The following CACNB4 variants were observed in gnomAD, a reference collection of about 807,000 sequenced individuals.
CACNB4 encodes the protein voltage-dependent L-type calcium channel subunit beta-4.
CACNB4 carries 32 observed loss-of-function variants against 71.2 expected under a neutral mutation model. That is an observed-to-expected ratio of 0.45 (90% confidence interval 0.34 to 0.60). CACNB4 has a LOEUF of 0.60. Among genes scored for constraint, CACNB4 ranks in the 20% least tolerant of loss-of-function variants. The pLI, the probability that CACNB4 is intolerant of heterozygous loss-of-function variation, is 0.01. For missense variants in CACNB4, 464 were observed against 647.9 expected (o/e 0.72, Z 3.08); for synonymous variants, 231 against 236.9 (o/e 0.97, Z 0.23).
At chr2:151,999,374 T>TG (rs971182539) in intron 2 of CACNB4, among the ~76,000 whole-genome samples, 1 of 36,878 alleles carries the variant, frequency 2.7e-5, no homozygotes, top group African/African-American at 5.3e-5. Flanking sequence ...CGCCCTGTTA[T>TG]GGTTTTTTTT....
At position 151,853,550 on chromosome 2, in the gene CACNB4, G is replaced by A. The variant is rs2151353341; in HGVS notation, c.1021-7C>T. On this transcript the variant is annotated splice_polypyrimidine_tract_variant and splice_region_variant and intron_variant, in intron 11 of 13. Coordinates refer to ENST00000539935, the MANE Select transcript of CACNB4 (RefSeq NM_000726.5). ...TAATCAACCGCTGTAAAACCTGATA[G>A]AAGAAGACATGAACCTGAGGTATTG... is the stretch of plus-strand genomic sequence containing the variant. 1 of 1,522,354 alleles carries A rather than the reference G, an allele frequency of 6.6e-7. No individual in the cohort carries two copies. The highest frequency in any genetic ancestry group is 9.0e-7 in the Non-Finnish European group (1 of 1,112,126). The allele number at this position is 1,522,354 out of a possible 1,614,324, so 94.3% of individuals were successfully genotyped here. A position where few individuals can be genotyped will look rare whatever the true frequency, so the allele number is the denominator to read the frequency against.
At chr2:151,932,848 G>C (rs1044194310) in intron 2 of CACNB4, among the ~76,000 whole-genome samples, 1 of 150,276 alleles carries the variant, frequency 6.7e-6, no homozygotes, top group South Asian at 2.1e-4. Flanking sequence ...AAAAAAAGGT[G>C]GGGGGTTGGG....
chr2:152,000,426 A>C (rs1015836729), intron 2 of CACNB4, among the ~76,000 whole-genome samples: 4 of 152,232 alleles, frequency 2.6e-5, no homozygotes, highest in Non-Finnish European at 5.9e-5. Flanking sequence ...TACCTCCTTC[A>C]TAAGGTTGTT....
At chr2:152,092,351 A>G (rs550409504) in intron 2 of CACNB4, among the ~76,000 whole-genome samples, 1 of 152,362 alleles carries the variant, frequency 6.6e-6, no homozygotes, top group African/African-American at 2.4e-5. Flanking sequence ...AAACATATCT[A>G]TAACTGGTGC....
In CACNB4 at chr2:151,835,822, CAAT is replaced by C. The variant is rs2099834772; in HGVS notation, c.*3294_*3296del. ...CAAAAATACATTTTGCAAACAACGA[CAAT>C]AATAATTAAATAGCAGATTATTTAA... On this transcript the variant is annotated 3_prime_UTR_variant, in exon 14 of 14. Coordinates refer to ENST00000539935, the MANE Select transcript of CACNB4 (RefSeq NM_000726.5). 2 of 151,758 alleles carry C rather than the reference CAAT, an allele frequency of 1.3e-5. No homozygotes were observed. The highest frequency in any genetic ancestry group is 4.1e-4 in the South Asian group (2 of 4,820). 9.4% of individuals were successfully genotyped at this position (151,758 alleles called of 1,614,324 possible).
intron 2 of CACNB4, among the ~76,000 whole-genome samples, chr2:151,902,109 A>T (rs1374125180): frequency 7.0e-6 from 1 of 142,918 alleles, no homozygotes; most frequent in African/African-American, 2.7e-5. Context: ...ATCATAGTTC[A>T]TTGCAGCTTT....
chr2:151,997,607 T>G (rs936313186), intron 2 of CACNB4, among the ~76,000 whole-genome samples: 1 of 151,514 alleles, frequency 6.6e-6, no homozygotes, highest in East Asian at 1.9e-4. Context: ...AATGCTGAGA[T>G]TGGAGTGATG....
chr2:152,005,925 C>G (rs996903401), intron 2 of CACNB4, among the ~76,000 whole-genome samples: 9 of 152,202 alleles, frequency 5.9e-5, no homozygotes, highest in Admixed American at 5.2e-4. Context: ...GCAAAATGCT[C>G]AGAACGGTGC....
intron 2 of CACNB4, among the ~76,000 whole-genome samples, chr2:151,924,665 C>A (rs2099859805): frequency 6.6e-6 from 1 of 151,910 alleles, no homozygotes; most frequent in African/African-American, 2.4e-5. Context: ...CATTCTCAAT[C>A]CCTGGATGAA....
At chr2:151,960,254 C>G (rs962823376) in intron 2 of CACNB4, among the ~76,000 whole-genome samples, 1 of 152,108 alleles carries the variant, frequency 6.6e-6, no homozygotes, top group East Asian at 1.9e-4. Flanking sequence ...ACATCTGAAC[C>G]TTAGAATCTT....
intron 2 of CACNB4, among the ~76,000 whole-genome samples, chr2:151,953,891 C>T (rs985116315): frequency 1.3e-5 from 2 of 152,230 alleles, no homozygotes; most frequent in African/African-American, 4.8e-5. Context: ...CAAACGTGTT[C>T]ACCCCACATG....
intron 2 of CACNB4, among the ~76,000 whole-genome samples, chr2:152,076,600 CT>C (rs1171423112): frequency 1.3e-5 from 2 of 152,168 alleles, no homozygotes; most frequent in Non-Finnish European, 2.9e-5. Flanking sequence ...CTTGAATCAT[CT>C]CTAAGCCTTC....
At chr2:152,006,401 C>CTTTTTT (rs60046879) in intron 2 of CACNB4, among the ~76,000 whole-genome samples, 14 of 138,540 alleles carry the variant, frequency 1.0e-4, no homozygotes, top group Non-Finnish European at 1.8e-4. Flanking sequence ...TCTTTTCTTT[C>CTTTTTT]TTTTTTTTTT....
intron 12 of CACNB4, 138 bp from the exon 13 acceptor site, chr2:151,842,226 T>C (rs1047674086): frequency 3.0e-6 from 2 of 671,670 alleles, no homozygotes; most frequent in Non-Finnish European, 5.2e-6. Context: ...ATGGGCAGTT[T>C]CTAAAGTTAG....
intron 2 of CACNB4, among the ~76,000 whole-genome samples, chr2:151,992,160 G>GAGGCAGAAGAGAGA (rs1337928411): frequency 2.0e-5 from 3 of 152,202 alleles, no homozygotes; most frequent in Non-Finnish European, 4.4e-5. Flanking sequence ...GGAGAACCGT[G>GAGGCAGAAGAGAGA]AGGCAGAAGA....
chr2:151,968,529 A>T (rs1026063615), intron 2 of CACNB4: 12 of 152,206 alleles, frequency 7.9e-5, no homozygotes. Context: ...CACCTGGGTA[A>T]GAGACGGTAA....
intron 2 of CACNB4, among the ~76,000 whole-genome samples, chr2:152,053,351 G>A (rs1203725735): frequency 6.6e-6 from 1 of 152,202 alleles, no homozygotes; most frequent in Non-Finnish European, 1.5e-5. Context: ...AGGGTTTGGA[G>A]AGCTTGTGGA....
chr2:151,895,733 A>C (rs938608313), intron 2 of CACNB4, among the ~76,000 whole-genome samples: 2 of 152,124 alleles, frequency 1.3e-5, no homozygotes, highest in African/African-American at 4.8e-5. Flanking sequence ...TAATGATTTG[A>C]TAGGTGACAT....
chr2:152,010,517 A>C (rs1471479510), intron 2 of CACNB4, among the ~76,000 whole-genome samples: 1 of 152,236 alleles, frequency 6.6e-6, no homozygotes, highest in African/African-American at 2.4e-5. Context: ...TTTACTGAGA[A>C]AAGATTATTT....
Sources: gnomAD v4.1 joint callset for allele counts (sites outside exome capture counted in the v4.1 genomes callset) on GRCh38, gnomAD v4.1.1 for gene constraint, MANE v1.5 for transcripts, NCBI Gene and HGNC (gene_info 2026-07-23, HGNC 2026-07-21) for gene names.